GRM8: variants seen among roughly 807,000 people sequenced by gnomAD.
The protein encoded by GRM8 is metabotropic glutamate receptor 8.
Under a neutral mutation model 87.2 loss-of-function variants are expected in GRM8, and 47 were observed. The ratio of observed to expected loss-of-function variants is 0.54; its 90% CI spans 0.43 to 0.69. The LOEUF is 0.69. Ranked by LOEUF, GRM8 falls within the 30% of genes least tolerant of loss-of-function variation. The pLI, the probability that GRM8 is intolerant of heterozygous loss-of-function variation, is 0.00. For missense variants in GRM8, 1,019 were observed against 1,139.2 expected (o/e 0.89, Z 1.52); for synonymous variants, 396 against 404.5 (o/e 0.98, Z 0.25).
intron 3 of GRM8, among the ~76,000 whole-genome samples, chr7:127,081,529 C>A (rs931135088): frequency 1.3e-5 from 2 of 152,130 alleles, no homozygotes; most frequent in Admixed American, 1.3e-4. Flanking sequence ...TGAGTTAATG[C>A]CTGTCTCTCT....
chr7:126,919,997 T>A (rs2131353032), intron 3 of GRM8, among the ~76,000 whole-genome samples: 1 of 152,270 alleles, frequency 6.6e-6, no homozygotes, highest in African/African-American at 2.4e-5. Flanking sequence ...AAAATCCACA[T>A]GTTGAAGCCC....
intron 3 of GRM8, among the ~76,000 whole-genome samples, chr7:126,905,962 A>G (rs918937692): frequency 3.9e-5 from 6 of 152,206 alleles, no homozygotes; most frequent in African/African-American, 7.2e-5. Flanking sequence ...GTTGGAAACA[A>G]TGACCAGGTC....
rs1822737904 is a variant in GRM8 at position 127,080,478 on chromosome 7, AT to A, written c.727+26017del. Among the ~76,000 whole-genome samples the A allele has an allele frequency of 3.9e-5, 6 of 152,278 alleles. No homozygotes were observed. The South Asian group carries it at 1.2e-3, about 32-fold the overall frequency. ...GCACATCCCCCATCCCCAAGAACCA[AT>A]TTTGGTCACCACGGTGGCAATTCTG... On this transcript the variant is annotated intron_variant, in intron 3 of 10. Transcript: ENST00000339582.
intron 3 of GRM8, among the ~76,000 whole-genome samples, chr7:126,910,911 A>C (rs1803217323): frequency 1.3e-5 from 2 of 152,318 alleles, no homozygotes; most frequent in Non-Finnish European, 2.9e-5. Flanking sequence ...GGCCCCACAT[A>C]ATCTTGAAAA....
intron 6 of GRM8, among the ~76,000 whole-genome samples, chr7:126,859,598 C>A (rs531040814): frequency 6.6e-6 from 1 of 152,266 alleles, no homozygotes; most frequent in African/African-American, 2.4e-5. Flanking sequence ...CCAGTGCATG[C>A]TAATATTTCA....
chr7:126,924,638 C>A (rs1367774675), intron 3 of GRM8, among the ~76,000 whole-genome samples: 1 of 152,078 alleles, frequency 6.6e-6, no homozygotes, highest in African/African-American at 2.4e-5. Context: ...TTCCTCCCTT[C>A]CTTCTGATTC....
At chr7:126,929,286 G>A (rs993605009) in intron 3 of GRM8, among the ~76,000 whole-genome samples, 1 of 152,210 alleles carries the variant, frequency 6.6e-6, no homozygotes, top group South Asian at 2.1e-4. Context: ...TCTGTCTAGT[G>A]CTAGCCAGTG....
chr7:126,852,550 C>T (rs992275871), intron 6 of GRM8, among the ~76,000 whole-genome samples: 2 of 152,138 alleles, frequency 1.3e-5, no homozygotes, highest in African/African-American at 4.8e-5. Flanking sequence ...AAAGAGCTGA[C>T]AGTAAATAGG....
chr7:127,026,366 T>C (rs1418846266), intron 3 of GRM8, among the ~76,000 whole-genome samples: 1 of 152,182 alleles, frequency 6.6e-6, no homozygotes, highest in Non-Finnish European at 1.5e-5. Flanking sequence ...ATATACCCAG[T>C]AATGAGATTG....
chr7:126,465,541 C>A (rs1804395510), intron 9 of GRM8, among the ~76,000 whole-genome samples: 1 of 151,610 alleles, frequency 6.6e-6, no homozygotes, highest in Non-Finnish European at 1.5e-5. Context: ...ATGTAGAGGT[C>A]ATTTATTTTG....
chr7:126,629,057 C>A (rs971559836), intron 7 of GRM8, among the ~76,000 whole-genome samples: 5 of 152,122 alleles, frequency 3.3e-5, no homozygotes, highest in African/African-American at 1.2e-4. Context: ...GTATACTAAA[C>A]AACAATTCTT....
At chr7:126,844,895 A>G (rs187642025) in intron 6 of GRM8, among the ~76,000 whole-genome samples, 51 of 152,346 alleles carry the variant, frequency 3.3e-4, no homozygotes, top group Non-Finnish European at 4.4e-4. Context: ...ATCTCCAAAT[A>G]GTCACATTGG....
chr7:127,146,385 C>A (rs1828556304), intron 2 of GRM8, among the ~76,000 whole-genome samples: 1 of 151,844 alleles, frequency 6.6e-6, no homozygotes, highest in Admixed American at 6.6e-5. Flanking sequence ...CTGTGGTTCC[C>A]AGAGCTATGG....
intron 3 of GRM8, among the ~76,000 whole-genome samples, chr7:126,934,607 T>C (rs1004872013): frequency 5.2e-4 from 79 of 152,286 alleles, no homozygotes; most frequent in African/African-American, 1.8e-3. Flanking sequence ...CAGTAAACAC[T>C]TACATGGGTC....
rs771842143 is a variant in GRM8 at position 127,243,098 on chromosome 7, T to C, written c.107A>G (p.Tyr36Cys). ...TMMQRTHSQE[Y>C]AHSIRVDGDI... ...CCCATCCACCCGTATGGAATGGGCATACTCCTGGCTGTGAGTTCTTTGCAT... is the reference window on the plus strand; with the variant it reads ...CCCATCCACCCGTATGGAATGGGCACACTCCTGGCTGTGAGTTCTTTGCAT... Residue 36 changes from tyrosine (Y) to cysteine (C), a missense_variant, in exon 2 of 11, where the codon TAT becomes TGT. Physicochemically the swap from Tyr to Cys is radical, Grantham distance 194 (BLOSUM62 -2). Coordinates refer to ENST00000339582, the MANE Select transcript of GRM8 (RefSeq NM_000845.3). 5 of 1,614,018 alleles carry C rather than the reference T, an allele frequency of 3.1e-6. No individual in the cohort carries two copies. Among genetic ancestry groups the C allele is most frequent in the Non-Finnish European group, 2.5e-6 (3 of 1,179,960 alleles).
At chr7:127,180,287 A>G (rs755262002) in intron 2 of GRM8, among the ~76,000 whole-genome samples, 1 of 152,116 alleles carries the variant, frequency 6.6e-6, no homozygotes. Context: ...CAACCCTTCT[A>G]GCTTAAATCA....
intron 7 of GRM8, among the ~76,000 whole-genome samples, chr7:126,704,132 ACT>A (rs1810238174): frequency 6.6e-6 from 1 of 152,144 alleles, no homozygotes; most frequent in East Asian, 1.9e-4. Flanking sequence ...GAATGGAGGG[ACT>A]GGTTGAAGCC....
At chr7:127,092,958 G>T (rs1460132323) in intron 3 of GRM8, among the ~76,000 whole-genome samples, 3 of 152,142 alleles carry the variant, frequency 2.0e-5, no homozygotes, top group African/African-American at 7.2e-5. Flanking sequence ...CTCGGTCCAG[G>T]CCTAGCCTTC....
intron 3 of GRM8, among the ~76,000 whole-genome samples, chr7:127,026,240 G>A (rs1346498270): frequency 6.6e-6 from 1 of 152,072 alleles, no homozygotes; most frequent in South Asian, 2.1e-4. Flanking sequence ...TCTTTATCCA[G>A]TCTATCATTG....
Sources: gnomAD v4.1 joint callset for allele counts (sites outside exome capture counted in the v4.1 genomes callset) on GRCh38, gnomAD v4.1.1 for gene constraint, MANE v1.5 for transcripts, NCBI Gene and HGNC (gene_info 2026-07-23, HGNC 2026-07-21) for gene names.